Variants in LHFPL2 observed in about 807,000 individuals in gnomAD.
LHFPL2 encodes the protein LHFPL tetraspan subfamily member 2 protein.
Under a neutral mutation model 17.5 loss-of-function variants are expected in LHFPL2, and 7 were observed. The observed-to-expected ratio is 0.40, with a 90% confidence interval of 0.23 to 0.75. LHFPL2 has a LOEUF of 0.75. LHFPL2 is among the 30% of genes least tolerant of loss of function. LHFPL2 has a pLI of 0.37. For synonymous variants in LHFPL2, 134 were observed against 116.2 expected, an observed-to-expected ratio of 1.15 and a Z score of -0.99; for missense variants, 241 against 294.8, an observed-to-expected ratio of 0.82 and a Z score of 1.34.
intron 2 of LHFPL2, among the ~76,000 whole-genome samples, chr5:78,587,109 A>G (rs1743439902): frequency 1.3e-5 from 2 of 152,204 alleles, no homozygotes; most frequent in South Asian, 2.1e-4. Context: ...TCAGTCATCT[A>G]AAGTCCTTGC....
At chr5:78,590,459 A>G (rs530287900) in intron 2 of LHFPL2, among the ~76,000 whole-genome samples, 44 of 152,316 alleles carry the variant, frequency 2.9e-4, no homozygotes, top group Non-Finnish European at 4.9e-4. Context: ...AACAACTAAT[A>G]AATACTATAA....
chr5:78,593,600 G>A (rs1327901845), intron 2 of LHFPL2, among the ~76,000 whole-genome samples: 2 of 152,168 alleles, frequency 1.3e-5, no homozygotes, highest in Non-Finnish European at 2.9e-5. Context: ...TGGGTAACAG[G>A]TGAGCGTACT....
chr5:78,546,470 C>T lies in LHFPL2; in HGVS notation c.-186+18343G>A, dbSNP rs530465543. Among the ~76,000 whole-genome samples the T allele has an allele frequency of 3.9e-5, 6 of 152,336 alleles. No individual in the cohort carries two copies. The South Asian group carries it at 6.2e-4, about 16-fold the overall frequency. On this transcript the variant is annotated intron_variant, in intron 3 of 4. Transcript: ENST00000380345. The stretch of plus-strand genomic sequence containing the variant: ...ACTCAACCTCAAGACTCAGCTTCCC[C>T]ATGCATGAAACAGGGATAATAATAG...
chr5:78,641,924 C>CACACACACACACACACACACAT (rs1554061985), intron 1 of LHFPL2: 1 of 150,766 alleles, frequency 6.6e-6, no homozygotes, highest in African/African-American at 2.4e-5. Context: ...CACACACACA[C>CACACACACACACACACACACAT]ACACACACAC....
At chr5:78,609,434 G>T (rs1744334968) in intron 2 of LHFPL2, among the ~76,000 whole-genome samples, 1 of 111,470 alleles carries the variant, frequency 9.0e-6, no homozygotes, top group Middle Eastern at 9.8e-3. Context: ...CTGGGAAACA[G>T]AGCGAGACTC....
chr5:78,572,450 ATATG>A (rs1757021529), intron 2 of LHFPL2, among the ~76,000 whole-genome samples: 1 of 151,034 alleles, frequency 6.6e-6, no homozygotes, highest in African/African-American at 2.4e-5. Flanking sequence ...ATGTGTATAT[ATATG>A]TATGTGTATA....
intron 1 of LHFPL2, among the ~76,000 whole-genome samples, chr5:78,634,096 A>C (rs1745344253): frequency 6.6e-6 from 1 of 152,176 alleles, no homozygotes; most frequent in Admixed American, 6.5e-5. Flanking sequence ...TCCTTACCAA[A>C]AGAAAAAAGA....
chr5:78,516,765 G>C (rs1580766060), intron 3 of LHFPL2, among the ~76,000 whole-genome samples: 1 of 152,258 alleles, frequency 6.6e-6, no homozygotes, highest in East Asian at 1.9e-4. Flanking sequence ...AGGATGATAG[G>C]GACTGGGGCC....
intron 2 of LHFPL2, among the ~76,000 whole-genome samples, chr5:78,631,936 AAAAAAAAAAAAAAAG>A (rs1379486141): frequency 1.7e-5 from 1 of 58,164 alleles, no homozygotes. Flanking sequence ...ACTCCATCTC[AAAAAAAAAAAAAAAG>A]AAAAAAGAAA....
intron 3 of LHFPL2, among the ~76,000 whole-genome samples, chr5:78,511,216 G>T (rs1192536383): frequency 6.6e-6 from 1 of 152,142 alleles, no homozygotes; most frequent in African/African-American, 2.4e-5. Context: ...GTTGACAACA[G>T]AACCTTGTCT....
chr5:78,594,554 A>G (rs1377002143), intron 2 of LHFPL2, among the ~76,000 whole-genome samples: 2 of 152,238 alleles, frequency 1.3e-5, no homozygotes, highest in Non-Finnish European at 2.9e-5. Context: ...AATAGTGGCT[A>G]TAAGCTTAAA....
intron 2 of LHFPL2, among the ~76,000 whole-genome samples, chr5:78,616,659 T>G (rs934692488): frequency 6.6e-6 from 1 of 152,162 alleles, no homozygotes; most frequent in Non-Finnish European, 1.5e-5. Flanking sequence ...GGACATGCAA[T>G]TGTCACTGGC....
chr5:78,645,834 G>GC (rs1231009182), intron 1 of LHFPL2, among the ~76,000 whole-genome samples: 2 of 152,110 alleles, frequency 1.3e-5, no homozygotes, highest in Non-Finnish European at 2.9e-5. Context: ...ACCCACCTCA[G>GC]CCCCCCAAAG....
At chr5:78,573,598 C>A (rs971170565) in intron 2 of LHFPL2, among the ~76,000 whole-genome samples, 1 of 152,188 alleles carries the variant, frequency 6.6e-6, no homozygotes, top group Non-Finnish European at 1.5e-5. Flanking sequence ...GTAAGTTTCA[C>A]TGGTTAGGCA....
At chr5:78,546,724 T>C (rs926758823) in intron 3 of LHFPL2, among the ~76,000 whole-genome samples, 3 of 152,196 alleles carry the variant, frequency 2.0e-5, no homozygotes, top group Non-Finnish European at 4.4e-5. Context: ...CTTCTGTGTA[T>C]ATTGACTACG....
chr5:78,515,321 T>C (rs530170361), intron 3 of LHFPL2, among the ~76,000 whole-genome samples: 1 of 124,702 alleles, frequency 8.0e-6, no homozygotes, highest in South Asian at 2.7e-4. Context: ...ACTGGGCTAG[T>C]TGTCCTACAA....
At chr5:78,528,183 C>T (rs1057246180) in intron 3 of LHFPL2, among the ~76,000 whole-genome samples, 4 of 152,150 alleles carry the variant, frequency 2.6e-5, no homozygotes. Flanking sequence ...ATTGTTCTAA[C>T]TCAACTCTGC....
At chr5:78,588,438 C>T (rs568045001) in intron 2 of LHFPL2, among the ~76,000 whole-genome samples, 1 of 152,340 alleles carries the variant, frequency 6.6e-6, no homozygotes, top group South Asian at 2.1e-4. Context: ...GGAAAAAGTT[C>T]TTGTACCAAC....
intron 3 of LHFPL2, among the ~76,000 whole-genome samples, chr5:78,551,683 G>A (rs1429915495): frequency 1.3e-5 from 2 of 152,204 alleles, no homozygotes; most frequent in Non-Finnish European, 2.9e-5. Flanking sequence ...AGTCTCCTGA[G>A]GCAGGCCACA....
Sources: gnomAD v4.1 joint callset for allele counts (sites outside exome capture counted in the v4.1 genomes callset) on GRCh38, gnomAD v4.1.1 for gene constraint, MANE v1.5 for transcripts, NCBI Gene and HGNC (gene_info 2026-07-23, HGNC 2026-07-21) for gene names.